Variants in RAB10 observed in about 807,000 individuals in gnomAD.
The protein encoded by RAB10 is ras-related protein Rab-10.
A neutral mutation model predicts 25.7 loss-of-function variants in RAB10; 5 were observed. That is an observed-to-expected ratio of 0.19 (90% CI 0.10 to 0.41). The LOEUF is 0.41. Among genes scored for constraint, RAB10 ranks in the 10% least tolerant of loss-of-function variants. RAB10 has a pLI of 1.00. For synonymous variants in RAB10, 89 were observed against 86.4 expected (o/e 1.03, Z -0.16); for missense variants, 103 against 245.8 (o/e 0.42, Z 3.89).
At chr2:26,118,533 G>A (rs985422692) in intron 3 of RAB10, among the ~76,000 whole-genome samples, 4 of 152,012 alleles carry the variant, frequency 2.6e-5, no homozygotes, top group Non-Finnish European at 5.9e-5. Flanking sequence ...ATATATATTG[G>A]TTTCTGAATG....
chr2:26,065,184 T>G (rs1424356130), intron 1 of RAB10, among the ~76,000 whole-genome samples: 1 of 151,898 alleles, frequency 6.6e-6, no homozygotes, highest in Non-Finnish European at 1.5e-5. Context: ...CAAACAGCAG[T>G]GCTTGTTAAA....
At chr2:26,113,934 T>C (rs1200940667) in intron 3 of RAB10, among the ~76,000 whole-genome samples, 1 of 152,120 alleles carries the variant, frequency 6.6e-6, no homozygotes, top group Non-Finnish European at 1.5e-5. Context: ...TCAGCTTTAT[T>C]TCTGTACACT....
chr2:26,045,486 G>C (rs377029060), intron 1 of RAB10, among the ~76,000 whole-genome samples: 1 of 152,054 alleles, frequency 6.6e-6, no homozygotes, highest in South Asian at 2.1e-4. Flanking sequence ...TGATCCGCCC[G>C]CCTCTGCCTC....
chr2:26,040,963 T>C lies in RAB10; in HGVS notation c.127+6228T>C, dbSNP rs1464608462. Among the ~76,000 whole-genome samples the C allele has an allele frequency of 2.6e-5, 4 of 152,124 alleles. No individual in the cohort carries two copies. The East Asian group carries it at 7.7e-4, about 29-fold the overall frequency. On this transcript the variant is annotated intron_variant, in intron 1 of 5. Coordinates refer to ENST00000264710, the MANE Select transcript of RAB10 (RefSeq NM_016131.5). ...TGCTGCAAAAAACAAATTACTGGTA[T>C]GGTACACTCAACCAATCTCAAAACG...
intron 5 of RAB10, among the ~76,000 whole-genome samples, chr2:26,134,131 G>A (rs1196027358): frequency 6.6e-6 from 1 of 151,962 alleles, no homozygotes; most frequent in Non-Finnish European, 1.5e-5. Context: ...GGAGTTGGGA[G>A]GAGTCTTACT....
chr2:26,069,795 T>G (rs915554536), intron 1 of RAB10, among the ~76,000 whole-genome samples: 12 of 151,252 alleles, frequency 7.9e-5, no homozygotes, highest in African/African-American at 2.9e-4. Context: ...AGCCTTCACC[T>G]CTCAGGTTTA....
chr2:26,061,789 C>T lies in RAB10; in HGVS notation c.127+27054C>T, dbSNP rs140916762. Among the ~76,000 whole-genome samples the T allele has an allele frequency of 2.4e-3, 328 of 134,504 alleles. 4 individuals carry two copies. Among genetic ancestry groups the T allele is most frequent in the African/African-American group, 8.6e-3 (317 of 36,974 alleles). The allele number at this position is 134,504 out of a possible 152,430, so 88.2% of individuals were successfully genotyped here. A position where few individuals can be genotyped will look rare whatever the true frequency, so the allele number is the denominator to read the frequency against. On this transcript the variant is annotated intron_variant, in intron 1 of 5. Coordinates refer to ENST00000264710, the MANE Select transcript of RAB10 (RefSeq NM_016131.5). Reference sequence around the variant, plus strand: ...CCCTTGTTTTTGAGACAGAATGTCACGCTGTCACTCACGCTGGAGTACAGT... The same window carrying T: ...CCCTTGTTTTTGAGACAGAATGTCATGCTGTCACTCACGCTGGAGTACAGT...
rs75292930 is a variant in RAB10, at chr2:26,079,520, C to T, written c.128-19142C>T. Among the ~76,000 whole-genome samples the T allele has an allele frequency of 7.9e-3, 1,205 of 152,054 alleles. 10 individuals are homozygous for T. Among genetic ancestry groups the T allele is most frequent in the Non-Finnish European group, 0.012 (844 of 67,974 alleles). On this transcript the variant is annotated intron_variant, in intron 1 of 5. Coordinates refer to ENST00000264710, the MANE Select transcript of RAB10 (RefSeq NM_016131.5). ...ATGAACTCATGGTTCAATATAGATA[C>T]GTAAATGTAAATATTTCCTCTCTCT...
intron 3 of RAB10, among the ~76,000 whole-genome samples, chr2:26,111,962 C>G (rs1024866961): frequency 3.9e-5 from 6 of 152,178 alleles, no homozygotes; most frequent in African/African-American, 1.4e-4. Flanking sequence ...AACAATGCCA[C>G]TCCATGTGAT....
chr2:26,054,307 G>A (rs1377557504), intron 1 of RAB10, among the ~76,000 whole-genome samples: 1 of 151,882 alleles, frequency 6.6e-6, no homozygotes, highest in Non-Finnish European at 1.5e-5. Flanking sequence ...GCCCGTCTTG[G>A]CCTCCCAAAG....
rs570603460 is a variant in RAB10, at chr2:26,083,815, G to A, written c.128-14847G>A. 4.3e-4 allele frequency among the ~76,000 whole-genome samples: 65 copies of A among 152,234 alleles called. 2 individuals are homozygous for A. The South Asian group carries it at 0.013, about 30-fold the overall frequency. On this transcript the variant is annotated intron_variant, in intron 1 of 5. Coordinates refer to ENST00000264710, the MANE Select transcript of RAB10 (RefSeq NM_016131.5). Reference sequence around the variant, plus strand: ...ATTACAGGCGTGAGCAGCTGCACCTGCTTAATCAATTGGAGTTCTGTGTTT... The same window carrying A: ...ATTACAGGCGTGAGCAGCTGCACCTACTTAATCAATTGGAGTTCTGTGTTT...
At chr2:26,113,014 G>C (rs189179565) in intron 3 of RAB10, among the ~76,000 whole-genome samples, 1 of 151,964 alleles carries the variant, frequency 6.6e-6, no homozygotes, top group Non-Finnish European at 1.5e-5. Flanking sequence ...CCCAGGAGGC[G>C]GAGGAGGTTG....
chr2:26,095,257 A>G (rs1185860006), intron 1 of RAB10, among the ~76,000 whole-genome samples: 2 of 152,148 alleles, frequency 1.3e-5, no homozygotes, highest in African/African-American at 2.4e-5. Flanking sequence ...ATTGGTTCCA[A>G]TTACTTAAAG....
chr2:26,099,208 G>A (rs1382503291), intron 2 of RAB10, among the ~76,000 whole-genome samples: 1 of 47,732 alleles, frequency 2.1e-5, no homozygotes, highest in Non-Finnish European at 3.9e-5. Context: ...ATATTTTCCA[G>A]CAAATGTGTA....
chr2:26,081,037 G>C (rs1308984271), intron 1 of RAB10, among the ~76,000 whole-genome samples: 1 of 152,150 alleles, frequency 6.6e-6, no homozygotes, highest in Non-Finnish European at 1.5e-5. Context: ...GAATCATGGG[G>C]ACGGGTCTTT....
chr2:26,045,568 G>A (rs1256799607), intron 1 of RAB10, among the ~76,000 whole-genome samples: 1 of 152,196 alleles, frequency 6.6e-6, no homozygotes, highest in East Asian at 1.9e-4. Context: ...CCCAGGCAGA[G>A]CTGTGGTAGC....
intron 1 of RAB10, among the ~76,000 whole-genome samples, chr2:26,045,002 T>G (rs1176556918): frequency 2.0e-5 from 3 of 152,060 alleles, no homozygotes; most frequent in Non-Finnish European, 2.9e-5. Context: ...TTTGTTTTTT[T>G]TTTTTGGAGG....
chr2:26,088,810 A>G (rs1667042495), intron 1 of RAB10, among the ~76,000 whole-genome samples: 1 of 151,850 alleles, frequency 6.6e-6, no homozygotes, highest in South Asian at 2.1e-4. Context: ...TTTTTAGTAG[A>G]CACAGGGTTT....
intron 2 of RAB10, among the ~76,000 whole-genome samples, chr2:26,107,734 T>C (rs1436553577): frequency 2.6e-5 from 4 of 151,662 alleles, no homozygotes; most frequent in African/African-American, 9.7e-5. Flanking sequence ...AGGCAGAGGT[T>C]GCAGTGAGCC....
Sources: allele counts gnomAD v4.1 joint callset (sites outside exome capture counted in the v4.1 genomes callset), GRCh38; gene constraint gnomAD v4.1.1; transcripts MANE v1.5; gene names NCBI Gene and HGNC (gene_info 2026-07-23, HGNC 2026-07-21).